The following PHF21A variants were observed in gnomAD, a reference collection of about 807,000 sequenced individuals.
The protein encoded by PHF21A is PHD finger protein 21A.
In PHF21A, 11 loss-of-function variants were observed where a neutral mutation model predicts 82.5. The observed-to-expected ratio is 0.13, with a 90% CI of 0.08 to 0.22. The LOEUF is 0.22. Among genes scored for constraint, PHF21A ranks in the 10% least tolerant of loss-of-function variants. The pLI, the probability that PHF21A is intolerant of heterozygous loss-of-function variation, is 1.00. For missense variants in PHF21A, 579 were observed against 837.8 expected, an observed-to-expected ratio of 0.69 and a Z score of 3.81; for synonymous variants, 297 against 302.8, an observed-to-expected ratio of 0.98 and a Z score of 0.20.
intron 1 of PHF21A, among the ~76,000 whole-genome samples, chr11:46,108,044 A>C (rs936431848): frequency 6.6e-6 from 1 of 152,082 alleles, no homozygotes; most frequent in Non-Finnish European, 1.5e-5. Flanking sequence ...CTATTAATTA[A>C]AATATTACAT....
At chr11:45,990,664 T>G (rs1369603730) in intron 6 of PHF21A, among the ~76,000 whole-genome samples, 1 of 151,992 alleles carries the variant, frequency 6.6e-6, no homozygotes, top group Non-Finnish European at 1.5e-5. Flanking sequence ...TTGACATGCA[T>G]GGTCAAAAGA....
chr11:46,001,195 C>T (rs1364271491), intron 6 of PHF21A, among the ~76,000 whole-genome samples: 1 of 151,730 alleles, frequency 6.6e-6, no homozygotes, highest in African/African-American at 2.4e-5. Flanking sequence ...AGAAGAAAAA[C>T]TTAAAGCCAT....
intron 10 of PHF21A, among the ~76,000 whole-genome samples, chr11:45,961,030 T>TTATTTTTTTAA (rs1455634679): frequency 7.6e-4 from 115 of 152,314 alleles, no homozygotes; most frequent in African/African-American, 2.6e-3. Flanking sequence ...ATTATCATGC[T>TTATTTTTTTAA]TGTCTTACTT....
At chr11:46,077,965 G>A (rs1261891868) in intron 5 of PHF21A, among the ~76,000 whole-genome samples, 1 of 152,120 alleles carries the variant, frequency 6.6e-6, no homozygotes. Flanking sequence ...AGGCTGGAGT[G>A]CAGTGACAAG....
chr11:46,114,848 T>C (rs1465262826), intron 1 of PHF21A, among the ~76,000 whole-genome samples: 1 of 152,170 alleles, frequency 6.6e-6, no homozygotes, highest in East Asian at 1.9e-4. Context: ...GTACTGACAG[T>C]TTGTATTCTC....
rs1169160881 is a variant in PHF21A at position 45,953,556 on chromosome 11, G to T, written c.1066C>A (p.Pro356Thr). ...ESRTITPPAA[P>T]KPKREENPQK... is the part of the protein sequence containing the mutation. ...GGGTTCTCCTCCCGTTTTGGTTTGG[G>T]TGCAGCAGGTGGGGTGATGGTGCGG... is the stretch of plus-strand genomic sequence containing the variant. The change falls in exon 11 of 19, where the codon CCC (proline) becomes ACC (threonine). Residue 356 changes from proline to threonine, a missense_variant. Physicochemically the swap from Pro to Thr is conservative, Grantham distance 38. Transcript: ENST00000676320. The T allele has an allele frequency of 3.7e-6, 6 of 1,613,648 alleles. No homozygotes were observed. The highest frequency in any genetic ancestry group is 1.3e-5 in the African/African-American group (1 of 74,906).
chr11:46,077,370 T>C (rs1159486552), intron 5 of PHF21A, among the ~76,000 whole-genome samples: 1 of 152,212 alleles, frequency 6.6e-6, no homozygotes, highest in Non-Finnish European at 1.5e-5. Flanking sequence ...TACCAGGGCA[T>C]TTTCTCAGTT....
In PHF21A at chr11:45,945,813, A is replaced by T. The variant is rs369116906; in HGVS notation, c.1452+27T>A. 180 of 1,546,272 alleles carry T rather than the reference A, an allele frequency of 1.2e-4. 1 individual carries two copies. Among genetic ancestry groups the T allele is most frequent in the Non-Finnish European group, 1.5e-4 (171 of 1,147,908 alleles). ...TTTCCCAATTTAAGCTCTCAGAAAG[A>T]CAGTGTGCTTTTCCCAAGTTACTTA... On this transcript the variant is annotated intron_variant, in intron 15 of 18. Transcript: ENST00000676320.
chr11:45,989,770 A>G (rs2094617654), intron 6 of PHF21A, among the ~76,000 whole-genome samples: 1 of 152,120 alleles, frequency 6.6e-6, no homozygotes, highest in Non-Finnish European at 1.5e-5. Context: ...AGGCCAATGC[A>G]GGAGGACTGC....
chr11:45,953,517 A>T lies in PHF21A; in HGVS notation c.1095+10T>A. 2 of 1,580,466 alleles carry T rather than the reference A, an allele frequency of 1.3e-6. No individual in the cohort carries two copies. The highest frequency in any genetic ancestry group is 1.7e-6 in the Non-Finnish European group (2 of 1,149,520). ...TAGACTGAGACCTGCCTTTGGAAAC[A>T]TAGGCCTACCTGAGGGTTCTCCTCC... is the stretch of plus-strand genomic sequence containing the variant. On this transcript the variant is annotated intron_variant, in intron 11 of 18. Coordinates refer to ENST00000676320, the MANE Select transcript of PHF21A (RefSeq NM_001352027.3).
chr11:46,092,693 A>G (rs2135489004), intron 1 of PHF21A, among the ~76,000 whole-genome samples: 1 of 150,588 alleles, frequency 6.6e-6, no homozygotes, highest in Non-Finnish European at 1.5e-5. Flanking sequence ...AAATCACAGC[A>G]TTTTATAATA....
intron 6 of PHF21A, among the ~76,000 whole-genome samples, chr11:46,067,826 T>C (rs891139462): frequency 1.3e-5 from 2 of 152,048 alleles, no homozygotes; most frequent in East Asian, 3.9e-4. Flanking sequence ...CAATACAACT[T>C]GATGAGTGCA....
chr11:46,019,473 C>G (rs2095587342), intron 6 of PHF21A, among the ~76,000 whole-genome samples: 1 of 152,108 alleles, frequency 6.6e-6, no homozygotes, highest in East Asian at 1.9e-4. Context: ...TGTGGCCAAT[C>G]CAGGCAAAGC....
chr11:45,938,770 G>A (rs2089715044), intron 15 of PHF21A, among the ~76,000 whole-genome samples: 1 of 151,920 alleles, frequency 6.6e-6, no homozygotes, highest in African/African-American at 2.4e-5. Flanking sequence ...TTTTCAGACT[G>A]CAGTTGACTA....
At chr11:46,047,505 A>G (rs1298034733) in intron 6 of PHF21A, among the ~76,000 whole-genome samples, 1 of 152,196 alleles carries the variant, frequency 6.6e-6, no homozygotes. Flanking sequence ...AATGACTTTT[A>G]GTTAGGAAGC....
At position 46,014,697 on chromosome 11, in the gene PHF21A, G is replaced by GACT. The variant is rs1591995909; in HGVS notation, c.154-34732_154-34731insAGT. ...TTGACTTTTTAATAATAGTTATTCT[G>GACT]GGGCCGGGCGCGGTGGCTCACGCCT... On this transcript the variant is annotated intron_variant, in intron 6 of 18. Coordinates refer to ENST00000676320, the MANE Select transcript of PHF21A (RefSeq NM_001352027.3). Among the ~76,000 whole-genome samples the GACT allele has an allele frequency of 2.8e-3, 325 of 116,506 alleles. 28 individuals are homozygous for GACT. Among genetic ancestry groups the GACT allele is most frequent in the East Asian group, 9.9e-3 (22 of 2,216 alleles). The allele number at this position is 116,506 out of a possible 152,430, so 76.4% of individuals were successfully genotyped here. A position where few individuals can be genotyped will look rare whatever the true frequency, so the allele number is the denominator to read the frequency against.
At chr11:46,095,268 T>G (rs2096980267) in intron 1 of PHF21A, among the ~76,000 whole-genome samples, 1 of 152,216 alleles carries the variant, frequency 6.6e-6, no homozygotes. Context: ...ACGTTTGTGC[T>G]TTTTACACTA....
At chr11:46,019,861 C>T (rs2095595782) in intron 6 of PHF21A, among the ~76,000 whole-genome samples, 1 of 152,100 alleles carries the variant, frequency 6.6e-6, no homozygotes, top group Admixed American at 6.6e-5. Context: ...AGAAAAGGAC[C>T]ACACAACCAT....
At chr11:46,090,055 T>G (rs1353553700) in intron 3 of PHF21A, among the ~76,000 whole-genome samples, 1 of 151,652 alleles carries the variant, frequency 6.6e-6, no homozygotes, top group Non-Finnish European at 1.5e-5. Context: ...TTCCTAACTT[T>G]CTTTACAAAA....
Sources: gnomAD v4.1 joint callset for allele counts (sites outside exome capture counted in the v4.1 genomes callset) on GRCh38, gnomAD v4.1.1 for gene constraint, MANE v1.5 for transcripts, NCBI Gene and HGNC (gene_info 2026-07-23, HGNC 2026-07-21) for gene names.